GRIK1: variants seen among roughly 807,000 people sequenced by gnomAD.
GRIK1 encodes glutamate receptor ionotropic, kainate 1.
In GRIK1, 69 loss-of-function variants were observed where a neutral mutation model predicts 105.7. That is an observed-to-expected ratio of 0.65 (90% CI 0.54 to 0.80). The LOEUF is 0.80. Among genes scored for constraint, GRIK1 ranks in the 30% least tolerant of loss-of-function variants. GRIK1 has a pLI of 0.00. For missense variants in GRIK1, 1,109 were observed against 1,167.3 expected, an observed-to-expected ratio of 0.95 and a Z score of 0.73; for synonymous variants, 438 against 431.3, an observed-to-expected ratio of 1.02 and a Z score of -0.19.
At chr21:29,789,450 T>C (rs1056303918) in intron 1 of GRIK1, among the ~76,000 whole-genome samples, 4 of 152,204 alleles carry the variant, frequency 2.6e-5, no homozygotes, top group Non-Finnish European at 5.9e-5. Flanking sequence ...GAAAATCATC[T>C]ACAAAGAAAG....
Position 29,664,615 on chromosome 21 carries a change from C to CA in GRIK1, c.726+8367dup, listed in dbSNP as rs549480994. ...CTTTGGCACATAGAACTCTACGGGC[C>CA]AAAAAAAAAAATCTGGCACATAATT... On this transcript the variant is annotated intron_variant, in intron 4 of 17. Transcript: ENST00000327783. Among the ~76,000 whole-genome samples the CA allele has an allele frequency of 9.3e-3, 1,326 of 142,864 alleles. 13 individuals carry two copies. Among genetic ancestry groups the CA allele is most frequent in the African/African-American group, 0.026 (1,010 of 39,036 alleles). The allele number at this position is 142,864 out of a possible 152,430, so 93.7% of individuals were successfully genotyped here. A position where few individuals can be genotyped will look rare whatever the true frequency, so the allele number is the denominator to read the frequency against.
chr21:29,810,213 C>T (rs1319420234), intron 1 of GRIK1, among the ~76,000 whole-genome samples: 1 of 151,838 alleles, frequency 6.6e-6, no homozygotes, highest in African/African-American at 2.4e-5. Context: ...AGGAGAATCG[C>T]TGGAACTCAA....
Position 29,577,033 on chromosome 21 carries a change from A to T in GRIK1, c.2061T>A (p.Asp687Glu), listed in dbSNP as rs1365201099. The T allele has an allele frequency of 2.5e-6, 4 of 1,613,888 alleles. No homozygotes were observed. The highest frequency in any genetic ancestry group is 3.4e-6 in the Non-Finnish European group (4 of 1,179,810). ...CTATCTTGGTTTGCTTTGCCAGATC[A>T]TCTGCCGAATCTATGGGGGATTCCA... is the stretch of plus-strand genomic sequence containing the variant. ...ERMESPIDSA[D>E]DLAKQTKIEY... The change falls in exon 14 of 18, where the codon GAT (aspartate) becomes GAA (glutamate). Residue 687 changes from aspartate to glutamate, a missense_variant. Physicochemically the swap from Asp to Glu is conservative, Grantham distance 45. Around this residue, in one of 5 missense-constraint regions of GRIK1, gnomAD observed 264 missense variants for 306.9 expected, o/e 0.86. Transcript: ENST00000327783.
intron 7 of GRIK1, among the ~76,000 whole-genome samples, chr21:29,616,696 G>T (rs184189981): frequency 1.3e-5 from 2 of 152,120 alleles, no homozygotes; most frequent in Non-Finnish European, 2.9e-5. Context: ...TCATGAAACC[G>T]CCTCAAAACT....
chr21:29,683,467 C>G (rs895817682), intron 3 of GRIK1, among the ~76,000 whole-genome samples: 1 of 152,312 alleles, frequency 6.6e-6, no homozygotes, highest in Admixed American at 6.5e-5. Flanking sequence ...AGCTCATGTC[C>G]TTTGCAGCAA....
intron 16 of GRIK1, among the ~76,000 whole-genome samples, chr21:29,542,770 T>G (rs2089992007): frequency 6.6e-6 from 1 of 152,224 alleles, no homozygotes; most frequent in Non-Finnish European, 1.5e-5. Context: ...TCTGAGGAAT[T>G]ATTTTTCAGA....
intron 1 of GRIK1, among the ~76,000 whole-genome samples, chr21:29,725,049 T>A (rs1689151692): frequency 6.7e-6 from 1 of 150,184 alleles, no homozygotes; most frequent in Admixed American, 6.6e-5. Flanking sequence ...CCACATGGGA[T>A]GTTTAAAATT....
At chr21:29,867,843 G>GAAA (rs1353645612) in intron 1 of GRIK1, among the ~76,000 whole-genome samples, 1,278 of 121,864 alleles carry the variant, frequency 0.01, 24 homozygotes, top group East Asian at 0.074. Flanking sequence ...AAAGAAAGAA[G>GAAA]GAAGGAAAGA....
At chr21:29,789,823 C>T (rs760721109) in intron 1 of GRIK1, among the ~76,000 whole-genome samples, 16 of 152,060 alleles carry the variant, frequency 1.1e-4, no homozygotes, top group Non-Finnish European at 2.2e-4. Flanking sequence ...TGTAGAGAAA[C>T]AAGAAAGGTA....
chr21:29,652,304 G>C (rs1036247155), intron 5 of GRIK1, among the ~76,000 whole-genome samples: 1 of 152,098 alleles, frequency 6.6e-6, no homozygotes, highest in African/African-American at 2.4e-5. Context: ...TTTGAAAACT[G>C]CATATGCATT....
chr21:29,544,302 A>T (rs900604100), intron 16 of GRIK1, among the ~76,000 whole-genome samples: 1 of 152,186 alleles, frequency 6.6e-6, no homozygotes, highest in Non-Finnish European at 1.5e-5. Context: ...TCTTAATTTT[A>T]AAAAATGATC....
chr21:29,868,679 GTCTT>G (rs762883681), intron 1 of GRIK1, among the ~76,000 whole-genome samples: 2 of 152,020 alleles, frequency 1.3e-5, no homozygotes, highest in South Asian at 2.1e-4. Flanking sequence ...ATCTTCGCCT[GTCTT>G]TCTTTTTTCT....
chr21:29,735,723 C>T (rs1415985706), intron 1 of GRIK1, among the ~76,000 whole-genome samples: 4 of 151,704 alleles, frequency 2.6e-5, no homozygotes, highest in Non-Finnish European at 4.4e-5. Flanking sequence ...ATGGCAAAAC[C>T]CCGTCTCTAT....
chr21:29,779,335 AGT>A (rs3054347), intron 1 of GRIK1, among the ~76,000 whole-genome samples: 10,689 of 149,776 alleles, frequency 0.071, 556 homozygotes, highest in African/African-American at 0.14. Context: ...TCAGTGAGTG[AGT>A]GTGTGTGTGT....
intron 1 of GRIK1, among the ~76,000 whole-genome samples, chr21:29,708,689 T>C (rs1237492696): frequency 6.6e-6 from 1 of 152,224 alleles, no homozygotes; most frequent in East Asian, 1.9e-4. Flanking sequence ...CTCTGCCCAG[T>C]GACTGCTCTT....
chr21:29,677,931 C>T (rs568002910), intron 3 of GRIK1, among the ~76,000 whole-genome samples: 2 of 152,324 alleles, frequency 1.3e-5, no homozygotes, highest in African/African-American at 2.4e-5. Context: ...AAATTCTCTA[C>T]CTTACACCGC....
chr21:29,937,461 ATGT>A (rs1305705788), intron 1 of GRIK1, among the ~76,000 whole-genome samples: 3 of 152,210 alleles, frequency 2.0e-5, no homozygotes, highest in Non-Finnish European at 4.4e-5. Context: ...TCAGTGAATC[ATGT>A]TGTTTGTTTT....
intron 1 of GRIK1, among the ~76,000 whole-genome samples, chr21:29,883,581 C>G (rs977385214): frequency 1.4e-4 from 22 of 152,000 alleles, no homozygotes; most frequent in Non-Finnish European, 1.5e-4. Flanking sequence ...GCTTATTAGA[C>G]CTTCCAAATC....
intron 7 of GRIK1, among the ~76,000 whole-genome samples, chr21:29,618,640 G>T (rs2061906552): frequency 6.6e-6 from 1 of 152,178 alleles, no homozygotes. Context: ...AGTGAATAAA[G>T]AAAGTGTGAT....
Sources: allele counts gnomAD v4.1 joint callset (sites outside exome capture counted in the v4.1 genomes callset), GRCh38; gene constraint gnomAD v4.1.1; regional missense constraint gnomAD v4.1.1; transcripts MANE v1.5; gene names NCBI Gene and HGNC (gene_info 2026-07-23, HGNC 2026-07-21).